The following LDLRAD4 variants were observed in gnomAD, a reference collection of about 807,000 sequenced individuals.
LDLRAD4 encodes the protein low-density lipoprotein receptor class A domain-containing protein 4.
LDLRAD4 carries 5 observed loss-of-function variants against 17.0 expected under a neutral mutation model. The observed-to-expected ratio is 0.29, with a 90% confidence interval of 0.15 to 0.62. The LOEUF is 0.62. Ranked by LOEUF, LDLRAD4 falls within the 20% of genes least tolerant of loss-of-function variation. The pLI, the probability that LDLRAD4 is intolerant of heterozygous loss-of-function variation, is 0.84. For synonymous variants in LDLRAD4, 168 were observed against 171.8 expected (o/e 0.98, Z 0.17); for missense variants, 340 against 424.7 (o/e 0.80, Z 1.75).
chr18:13,643,260 G>T, intron 4 of LDLRAD4, 99 bp from the exon 6 acceptor site: 1 of 760,768 alleles, frequency 1.3e-6, no homozygotes, highest in Non-Finnish European at 2.1e-6. Flanking sequence ...GCAGATCCCC[G>T]TTTCCAGAAG....
At chr18:13,229,891 C>T (rs1333836255) in intron 1 of LDLRAD4, among the ~76,000 whole-genome samples, 1 of 152,210 alleles carries the variant, frequency 6.6e-6, no homozygotes, top group Non-Finnish European at 1.5e-5. Flanking sequence ...GTGAGTAGAC[C>T]TGCTGTCTCC....
chr18:13,332,783 G>C (rs1285631869), intron 1 of LDLRAD4, among the ~76,000 whole-genome samples: 3 of 150,898 alleles, frequency 2.0e-5, no homozygotes, highest in Admixed American at 2.0e-4. Flanking sequence ...TCATTATCTG[G>C]ATGTACCATG....
At chr18:13,320,018 T>C (rs1454065150) in intron 1 of LDLRAD4, among the ~76,000 whole-genome samples, 2 of 152,198 alleles carry the variant, frequency 1.3e-5, no homozygotes, top group African/African-American at 4.8e-5. Flanking sequence ...ATTCACAGAG[T>C]ATAAAAAATT....
At chr18:13,219,696 G>A (rs945279103) in intron 1 of LDLRAD4, among the ~76,000 whole-genome samples, 1 of 152,192 alleles carries the variant, frequency 6.6e-6, no homozygotes, top group Admixed American at 6.5e-5. Flanking sequence ...GTGCCTTCTC[G>A]AAGGGCTAGT....
At position 13,367,605 on chromosome 18, in the gene LDLRAD4, T is replaced by C. The variant is rs914456860; in HGVS notation, c.-382-19736T>C. 2.0e-5 allele frequency among the ~76,000 whole-genome samples: 3 copies of C among 152,074 alleles called. No homozygotes were observed. The highest frequency in any genetic ancestry group is 2.9e-5 in the Non-Finnish European group (2 of 67,994). On this transcript the variant is annotated intron_variant, in intron 1 of 5. Transcript: ENST00000359446. This position sits in a 1 kb window ranked among gnomAD's most constrained non-coding sequence, Gnocchi z 4.1. ...GACAGAGGGTCTGCAGGCCACTCAG[T>C]GGCTGAGAGGGTGGGCAAGCAGCTG...
chr18:13,309,034 T>A (rs1458563623), intron 1 of LDLRAD4, among the ~76,000 whole-genome samples: 3 of 152,244 alleles, frequency 2.0e-5, no homozygotes, highest in African/African-American at 7.2e-5. Context: ...TAGTAAGATA[T>A]TCTTACTACA....
In LDLRAD4 at chr18:13,383,129, C is replaced by T. The variant is rs73421356; in HGVS notation, c.-382-4212C>T. On this transcript the variant is annotated intron_variant, in intron 1 of 5. Coordinates refer to ENST00000359446, the Ensembl canonical transcript of LDLRAD4. ...CACCTGGGAAATGCCCCTTGCCAGGCGCAGCTAGGGCTGGGTTAATTGTGT... is the reference window on the plus strand; with the variant it reads ...CACCTGGGAAATGCCCCTTGCCAGGTGCAGCTAGGGCTGGGTTAATTGTGT... 5.4e-3 allele frequency among the ~76,000 whole-genome samples: 817 copies of T among 152,336 alleles called. 12 individuals are homozygous for T. The highest frequency in any genetic ancestry group is 0.019 in the African/African-American group (786 of 41,576).
intron 1 of LDLRAD4, among the ~76,000 whole-genome samples, chr18:13,329,163 G>A (rs1048289263): frequency 1.3e-5 from 2 of 152,288 alleles, no homozygotes; most frequent in East Asian, 3.9e-4. Context: ...GCATTTGTAG[G>A]ATACATTCCC....
At chr18:13,345,205 A>G (rs1448034741) in intron 1 of LDLRAD4, among the ~76,000 whole-genome samples, 1 of 152,118 alleles carries the variant, frequency 6.6e-6, no homozygotes, top group East Asian at 1.9e-4. Flanking sequence ...TCAGTATGAT[A>G]TTGGCTGTGG....
intron 3 of LDLRAD4, among the ~76,000 whole-genome samples, chr18:13,619,723 C>T (rs954988105): frequency 3.9e-5 from 6 of 152,112 alleles, no homozygotes; most frequent in African/African-American, 1.4e-4. Flanking sequence ...CTGCCAGCTT[C>T]GGGAGCTGCT....
At chr18:13,238,367 C>G (rs1379108757) in intron 1 of LDLRAD4, among the ~76,000 whole-genome samples, 1 of 152,228 alleles carries the variant, frequency 6.6e-6, no homozygotes, top group African/African-American at 2.4e-5. Context: ...TTTTGCTCAA[C>G]TGGAAGGATA....
chr18:13,318,674 C>T (rs752008054), intron 1 of LDLRAD4, among the ~76,000 whole-genome samples: 50 of 152,320 alleles, frequency 3.3e-4, no homozygotes, highest in Non-Finnish European at 5.6e-4. Context: ...TCTTAATGTG[C>T]CGCTAGGCAT....
rs1398483610 is a variant in LDLRAD4, at chr18:13,494,222, T to C, written c.181+55838T>C. On this transcript the variant is annotated intron_variant, in intron 3 of 5. Transcript: ENST00000359446. Reference sequence around the variant, plus strand: ...GTATCCCAACCTGCTGTCTAGCTTGTCTGACACAAAAGCATATATTCACCG... The same window carrying C: ...GTATCCCAACCTGCTGTCTAGCTTGCCTGACACAAAAGCATATATTCACCG... Among the ~76,000 whole-genome samples, 5 of 152,148 alleles carry C rather than the reference T, an allele frequency of 3.3e-5. No homozygotes were observed. The South Asian group carries it at 1.0e-3, about 32-fold the overall frequency.
At chr18:13,503,825 AAAG>A (rs1266535943) in intron 3 of LDLRAD4, among the ~76,000 whole-genome samples, 1 of 152,130 alleles carries the variant, frequency 6.6e-6, no homozygotes, top group East Asian at 1.9e-4. Flanking sequence ...AAATGACTCA[AAAG>A]AAATAATTAT....
chr18:13,325,732 G>A (rs944969417), intron 1 of LDLRAD4, among the ~76,000 whole-genome samples: 4 of 152,136 alleles, frequency 2.6e-5, no homozygotes, highest in Non-Finnish European at 5.9e-5. Context: ...TCTGTAATGT[G>A]GGGATGGCAA....
intron 1 of LDLRAD4, among the ~76,000 whole-genome samples, chr18:13,288,896 A>G (rs528141824): frequency 6.6e-6 from 1 of 152,242 alleles, no homozygotes; most frequent in Admixed American, 6.5e-5. Context: ...GGACCTCCTG[A>G]TATGACTGTC....
At chr18:13,404,684 G>C (rs1318604290) in intron 2 of LDLRAD4, among the ~76,000 whole-genome samples, 1 of 151,910 alleles carries the variant, frequency 6.6e-6, no homozygotes, top group Non-Finnish European at 1.5e-5. Context: ...TGTAGTCCCA[G>C]CTACTCGGGA....
upstream of LDLRAD4, among the ~76,000 whole-genome samples, chr18:13,277,403 G>A (rs781742108): frequency 1.1e-4 from 16 of 152,206 alleles, no homozygotes; most frequent in Non-Finnish European, 2.2e-4. Context: ...GAGGATACCC[G>A]GCGCTCCACC....
chr18:13,437,825 T>C (rs1274018208), intron 2 of LDLRAD4, among the ~76,000 whole-genome samples: 5 of 152,234 alleles, frequency 3.3e-5, no homozygotes, highest in Admixed American at 1.3e-4. Flanking sequence ...TCCTGAGTTC[T>C]GATGGCCCCT....
Sources: gnomAD v4.1 joint callset for allele counts (sites outside exome capture counted in the v4.1 genomes callset) on GRCh38, gnomAD v4.1.1 for gene constraint, Gnocchi (gnomAD v3.1) non-coding constraint, MANE v1.5 for transcripts, NCBI Gene and HGNC (gene_info 2026-07-23, HGNC 2026-07-21) for gene names.